LIPN: variants seen among roughly 807,000 people sequenced by gnomAD.
The protein encoded by LIPN is lipase family member N.
A neutral mutation model predicts 43.7 loss-of-function variants in LIPN; 32 were observed. That is an observed-to-expected ratio of 0.73 (90% CI 0.55 to 0.98). The LOEUF is 0.98. Ranked by LOEUF, LIPN falls within the 50% of genes least tolerant of loss-of-function variation. LIPN has a pLI of 0.00. For missense variants in LIPN, 505 were observed against 483.8 expected (o/e 1.04, Z -0.41); for synonymous variants, 156 against 157.6 (o/e 0.99, Z 0.08).
At chr10:88,769,483 T>G in intron 6 of LIPN, 1 of 538,150 alleles carries the variant, frequency 1.9e-6, no homozygotes. Context: ...TGGTTGCCAA[T>G]TGTGGATTTG....
chr10:88,772,449 T>C (rs1843225346), intron 7 of LIPN, among the ~76,000 whole-genome samples: 1 of 151,946 alleles, frequency 6.6e-6, no homozygotes, highest in Non-Finnish European at 1.5e-5. Context: ...GAGATAGAGA[T>C]CTAATTTCAT....
intron 4 of LIPN, among the ~76,000 whole-genome samples, chr10:88,765,251 G>A (rs1438997888): frequency 6.6e-6 from 1 of 151,974 alleles, no homozygotes; most frequent in Non-Finnish European, 1.5e-5. Context: ...TGTCACCAGA[G>A]GACAGGCTGA....
At position 88,764,545 on chromosome 10, in the gene LIPN, G is replaced by A. The variant is rs1315292252; in HGVS notation, c.362G>A (p.Gly121Glu). 3.7e-6 allele frequency: 6 copies of A among 1,611,894 alleles called. No individual in the cohort carries two copies. The highest frequency in any genetic ancestry group is 5.1e-6 in the Non-Finnish European group (6 of 1,178,796). The stretch of plus-strand genomic sequence containing the variant: ...GATGTATGGATGGGAAACAGTCGGG[G>A]AAACACTTGGTCAAGAAGACACAAA... ...GYDVWMGNSR[G>E]NTWSRRHKTL... The change falls in exon 4 of 10, where the codon GGA becomes GAA. Residue 121 changes from glycine to glutamate, a missense_variant. Gly to Glu is a moderately conservative substitution (Grantham distance 98). Coordinates refer to ENST00000404459, the MANE Select transcript of LIPN (RefSeq NM_001102469.2).
intron 6 of LIPN, chr10:88,769,642 T>C (rs945090532): frequency 4.5e-5 from 42 of 937,858 alleles, no homozygotes; most frequent in Admixed American, 1.9e-4. Flanking sequence ...TGGGCCAAAA[T>C]TGAAGTCAAG....
intron 6 of LIPN, among the ~76,000 whole-genome samples, chr10:88,770,430 G>GA (rs1330469923): frequency 2.1e-5 from 3 of 143,098 alleles, no homozygotes; most frequent in Non-Finnish European, 4.6e-5. Flanking sequence ...CAATTAATGA[G>GA]AAAAAAATAT....
chr10:88,757,432 G>C (rs1184852837), upstream of LIPN, among the ~76,000 whole-genome samples: 1 of 152,160 alleles, frequency 6.6e-6, no homozygotes, highest in African/African-American at 2.4e-5. Context: ...CTCTTTAAAT[G>C]TAAGTGATCT....
intron 9 of LIPN, among the ~76,000 whole-genome samples, chr10:88,775,523 G>T (rs1457508440): frequency 6.6e-6 from 1 of 151,856 alleles, no homozygotes; most frequent in Admixed American, 6.6e-5. Flanking sequence ...ATTTTTAAAT[G>T]CATTTTTAAT....
At chr10:88,762,533 A>C (rs1843019960) in intron 3 of LIPN, among the ~76,000 whole-genome samples, 1 of 152,104 alleles carries the variant, frequency 6.6e-6, no homozygotes, top group African/African-American at 2.4e-5. Context: ...CTGCAACCAG[A>C]GGTACTTGTT....
rs530937624 is a variant in LIPN, at chr10:88,768,969, T to G, written c.672+41T>G. 1.0e-5 allele frequency: 16 copies of G among 1,575,142 alleles called. No homozygotes were observed. The East Asian group carries it at 3.4e-4, about 33-fold the overall frequency. On this transcript the variant is annotated intron_variant, in intron 6 of 9. Coordinates refer to ENST00000404459, the MANE Select transcript of LIPN (RefSeq NM_001102469.2). Reference sequence around the variant, plus strand: ...CAAAATGTACCTGAGGATCTCATTTTGGATCATAAATCCTTATTATTTTCA... The same window carrying G: ...CAAAATGTACCTGAGGATCTCATTTGGGATCATAAATCCTTATTATTTTCA...
chr10:88,772,231 C>T (rs1029787451), intron 7 of LIPN, among the ~76,000 whole-genome samples: 1 of 151,526 alleles, frequency 6.6e-6, no homozygotes, highest in Non-Finnish European at 1.5e-5. Flanking sequence ...TGTTGATGGT[C>T]TCCTTTGCTT....
rs1397270675 is a variant in LIPN, at chr10:88,778,231, G to A, written c.1186G>A (p.Ala396Thr). The A allele has an allele frequency of 1.9e-6, 3 of 1,605,578 alleles. No individual in the cohort carries two copies. The highest frequency in any genetic ancestry group is 1.1e-5 in the South Asian group (1 of 90,050). ...CAGTGAAATCATAGCTTTAATGAAG[G>A]CATATTCCTAAATGCAATGCATTTA... ...MYSEIIALMK[A>T]YS is the part of the protein sequence containing the mutation. Residue 396 changes from alanine (A) to threonine (T), a missense_variant, in exon 10 of 10, where the codon GCA becomes ACA. By Grantham distance (58) the Ala-to-Thr change is moderately conservative. Transcript: ENST00000404459.
chr10:88,766,468 C>A, intron 5 of LIPN, 90 bp downstream of exon 5: 2 of 806,162 alleles, frequency 2.5e-6, no homozygotes, highest in Non-Finnish European at 4.4e-6. Context: ...TGGAATAAAA[C>A]AACTGTTACT....
chr10:88,775,364 T>C (rs1349188403), intron 9 of LIPN, among the ~76,000 whole-genome samples: 2 of 151,908 alleles, frequency 1.3e-5, no homozygotes, highest in Non-Finnish European at 2.9e-5. Context: ...ACTTACATCA[T>C]GTGTAATCCT....
intron 5 of LIPN, 35 bp downstream of exon 5, chr10:88,766,413 T>G: frequency 7.9e-7 from 1 of 1,261,702 alleles, no homozygotes; most frequent in Non-Finnish European, 1.2e-6. Flanking sequence ...GGTGTGTTTT[T>G]GAGGGTCAGT....
intron 3 of LIPN, among the ~76,000 whole-genome samples, chr10:88,763,977 C>T (rs1286463063): frequency 6.6e-6 from 1 of 151,868 alleles, no homozygotes; most frequent in African/African-American, 2.4e-5. Flanking sequence ...ACATAGAGCA[C>T]AGTAGTTATC....
At chr10:88,767,964 GTTC>G (rs1413381638) in intron 5 of LIPN, among the ~76,000 whole-genome samples, 4 of 150,462 alleles carry the variant, frequency 2.7e-5, no homozygotes, top group Non-Finnish European at 4.4e-5. Flanking sequence ...AATTATTTCA[GTTC>G]TTCTTTTTCT....
chr10:88,764,670 G>T, intron 4 of LIPN, 62 bp downstream of exon 4: 1 of 1,190,110 alleles, frequency 8.4e-7, no homozygotes, highest in Non-Finnish European at 1.2e-6. Flanking sequence ...AAATAACGTG[G>T]ACGCTATTAA....
At chr10:88,758,604 A>G (rs565255271), upstream of LIPN, among the ~76,000 whole-genome samples, 3 of 149,620 alleles carry the variant, frequency 2.0e-5, no homozygotes, top group Non-Finnish European at 4.4e-5. Flanking sequence ...ACAGAAAAAT[A>G]TATAATACTC....
chr10:88,779,324 C>T lies in LIPN; in HGVS notation c.*1082C>T, dbSNP rs1422057755. ...TCCAGAGCCAGCTCCATAATACTTTCCTGCTCTGCTGGCAAATCCACAAGC... is the reference window on the plus strand; with the variant it reads ...TCCAGAGCCAGCTCCATAATACTTTTCTGCTCTGCTGGCAAATCCACAAGC... On this transcript the variant is annotated 3_prime_UTR_variant, in exon 10 of 10. Coordinates refer to ENST00000404459, the MANE Select transcript of LIPN (RefSeq NM_001102469.2). Among the ~76,000 whole-genome samples the T allele has an allele frequency of 6.6e-6, 1 of 152,190 alleles. No homozygotes were observed. Among genetic ancestry groups the T allele is most frequent in the Non-Finnish European group, 1.5e-5 (1 of 68,038 alleles).
Sources: allele counts gnomAD v4.1 joint callset (sites outside exome capture counted in the v4.1 genomes callset), GRCh38; gene constraint gnomAD v4.1.1; transcripts MANE v1.5; gene names NCBI Gene and HGNC (gene_info 2026-07-23, HGNC 2026-07-21).